The following NRG2 variants were observed in gnomAD, a reference collection of about 807,000 sequenced individuals.
NRG2 encodes pro-neuregulin-2, membrane-bound isoform.
NRG2 carries 27 observed loss-of-function variants against 73.9 expected under a neutral mutation model. The observed-to-expected ratio is 0.37, with a 90% confidence interval of 0.27 to 0.50. NRG2 has a LOEUF of 0.50. Among genes scored for constraint, NRG2 ranks in the 20% least tolerant of loss-of-function variants. NRG2 has a pLI of 0.96. For missense variants in NRG2, 1,126 were observed against 1,210.1 expected (o/e 0.93, Z 1.03); for synonymous variants, 532 against 541.0 (o/e 0.98, Z 0.23).
intron 1 of NRG2, among the ~76,000 whole-genome samples, chr5:139,936,720 C>T (rs1016815079): frequency 6.6e-6 from 1 of 152,118 alleles, no homozygotes. Flanking sequence ...AAACTATATT[C>T]CAATATTCCT....
chr5:139,884,683 T>A (rs940186148), intron 2 of NRG2, among the ~76,000 whole-genome samples: 19 of 152,188 alleles, frequency 1.2e-4, no homozygotes, highest in Non-Finnish European at 2.1e-4. Flanking sequence ...GATTCTATAG[T>A]AGAAGCTAGA....
At chr5:139,930,520 G>T (rs1752397868) in intron 1 of NRG2, among the ~76,000 whole-genome samples, 1 of 152,228 alleles carries the variant, frequency 6.6e-6, no homozygotes, top group South Asian at 2.1e-4. Context: ...AAACTTTCGG[G>T]AAGGTTCCCT....
intron 1 of NRG2, among the ~76,000 whole-genome samples, chr5:140,033,703 A>G (rs1343896574): frequency 6.6e-6 from 1 of 152,230 alleles, no homozygotes; most frequent in Non-Finnish European, 1.5e-5. Context: ...ATAGTTGTTC[A>G]TAAAACTGTT....
At chr5:139,906,810 G>C (rs1433760270) in intron 1 of NRG2, among the ~76,000 whole-genome samples, 1 of 152,246 alleles carries the variant, frequency 6.6e-6, no homozygotes, top group East Asian at 1.9e-4. Context: ...ACAAACTGTA[G>C]TGAAGGAAGG....
At chr5:139,993,121 T>C (rs548484294) in intron 1 of NRG2, among the ~76,000 whole-genome samples, 13 of 152,236 alleles carry the variant, frequency 8.5e-5, no homozygotes, top group African/African-American at 2.6e-4. Flanking sequence ...GTGGTGTGTG[T>C]GTGGTGGGGA....
intron 1 of NRG2, among the ~76,000 whole-genome samples, chr5:140,032,836 G>A (rs972789808): frequency 1.6e-4 from 24 of 152,042 alleles, no homozygotes; most frequent in African/African-American, 5.3e-4. Context: ...AGGACCTGAG[G>A]GGTAATAATA....
chr5:140,027,800 A>T (rs1424095329), intron 1 of NRG2, among the ~76,000 whole-genome samples: 1 of 152,212 alleles, frequency 6.6e-6, no homozygotes, highest in Non-Finnish European at 1.5e-5. Context: ...TAGCAGGAAC[A>T]TCACCAGCTT....
intron 3 of NRG2, among the ~76,000 whole-genome samples, chr5:139,875,796 C>A (rs1414819105): frequency 1.3e-5 from 2 of 152,116 alleles, no homozygotes; most frequent in African/African-American, 4.8e-5. Flanking sequence ...CTCTGAGATA[C>A]CACTTTCACT....
chr5:139,922,337 C>T (rs1751735950), intron 1 of NRG2, among the ~76,000 whole-genome samples: 3 of 152,102 alleles, frequency 2.0e-5, no homozygotes, highest in Non-Finnish European at 1.5e-5. Flanking sequence ...GGCAAATAAG[C>T]ATATGAGAAG....
chr5:140,014,788 A>G (rs1759642941), intron 1 of NRG2, among the ~76,000 whole-genome samples: 1 of 152,158 alleles, frequency 6.6e-6, no homozygotes, highest in Non-Finnish European at 1.5e-5. Context: ...TCCCTTTCAA[A>G]TAAGTAAAAT....
intron 1 of NRG2, among the ~76,000 whole-genome samples, chr5:139,924,255 A>G (rs1751886506): frequency 6.6e-6 from 1 of 152,242 alleles, no homozygotes. Flanking sequence ...TCTTTTGGTC[A>G]GAACTGAACT....
intron 1 of NRG2, among the ~76,000 whole-genome samples, chr5:139,952,581 G>A (rs1245080981): frequency 6.6e-6 from 1 of 152,210 alleles, no homozygotes; most frequent in Admixed American, 6.5e-5. Flanking sequence ...CCACTAGCCT[G>A]TCTGGGCTGG....
intron 1 of NRG2, among the ~76,000 whole-genome samples, chr5:140,032,589 T>C (rs1366644361): frequency 6.6e-6 from 1 of 152,208 alleles, no homozygotes; most frequent in Non-Finnish European, 1.5e-5. Flanking sequence ...ACTGCTCCCT[T>C]TTTACTTGGC....
At chr5:139,881,167 T>G (rs1763506854) in intron 2 of NRG2, among the ~76,000 whole-genome samples, 193 bp from the exon 3 acceptor site, 1 of 152,168 alleles carries the variant, frequency 6.6e-6, no homozygotes, top group South Asian at 2.1e-4. Flanking sequence ...GCAGGGAGCC[T>G]TGGGCCCTTA....
At chr5:139,855,651 C>A in intron 6 of NRG2, 25 bp downstream of exon 6, 2 of 1,598,090 alleles carry the variant, frequency 1.3e-6, no homozygotes, top group East Asian at 2.2e-5. Context: ...TTGGCCTGTC[C>A]CCAGCTTGAG....
At chr5:139,859,818 C>T (rs1762033926) in intron 5 of NRG2, 2 of 1,508,138 alleles carry the variant, frequency 1.3e-6, no homozygotes, top group South Asian at 2.3e-5. Context: ...AAACATTCAG[C>T]ACACATGGCA....
At chr5:139,956,619 C>T (rs1360666947) in intron 1 of NRG2, among the ~76,000 whole-genome samples, 2 of 152,146 alleles carry the variant, frequency 1.3e-5, no homozygotes, top group East Asian at 3.9e-4. Flanking sequence ...AACTGGGACC[C>T]AGGGATGGAG....
At chr5:140,035,043 G>A (rs531694951) in intron 1 of NRG2, among the ~76,000 whole-genome samples, 3 of 152,096 alleles carry the variant, frequency 2.0e-5, no homozygotes, top group Non-Finnish European at 2.9e-5. Flanking sequence ...GCAACATGAC[G>A]AAACCCTATC....
intron 1 of NRG2, among the ~76,000 whole-genome samples, chr5:139,929,138 C>A (rs1580753094): frequency 6.6e-6 from 1 of 152,174 alleles, no homozygotes; most frequent in Admixed American, 6.5e-5. Flanking sequence ...GTGTCCAGCC[C>A]CATGGCCTGC....
Sources: gnomAD v4.1 joint callset for allele counts (sites outside exome capture counted in the v4.1 genomes callset) on GRCh38, gnomAD v4.1.1 for gene constraint, MANE v1.5 for transcripts, NCBI Gene and HGNC (gene_info 2026-07-23, HGNC 2026-07-21) for gene names.